SLIT3: variants seen among roughly 807,000 people sequenced by gnomAD.
SLIT3 encodes slit homolog 3 protein.
SLIT3 carries 68 observed loss-of-function variants against 184.0 expected under a neutral mutation model. The observed-to-expected ratio is 0.37, with a 90% CI of 0.30 to 0.45. The LOEUF (loss-of-function observed/expected upper bound fraction) is 0.45, where lower values mean the gene tolerates loss of function less well. Among genes scored for constraint, SLIT3 ranks in the 20% least tolerant of loss-of-function variants. The pLI, the probability that SLIT3 is intolerant of heterozygous loss-of-function variation, is 1.00. For missense variants in SLIT3, 1,707 were observed against 2,026.0 expected, an observed-to-expected ratio of 0.84 and a Z score of 3.02; for synonymous variants, 831 against 828.6, an observed-to-expected ratio of 1.00 and a Z score of -0.05.
intron 4 of SLIT3, among the ~76,000 whole-genome samples, chr5:169,025,916 G>A (rs779767135): frequency 2.6e-5 from 4 of 151,990 alleles, no homozygotes; most frequent in Admixed American, 6.6e-5. Flanking sequence ...TACCTGGCTT[G>A]GCCCTAGCAT....
intron 4 of SLIT3, among the ~76,000 whole-genome samples, chr5:168,902,773 G>A (rs117801210): frequency 6.6e-6 from 1 of 152,212 alleles, no homozygotes; most frequent in African/African-American, 2.4e-5. Flanking sequence ...GGGCAGAGGG[G>A]ACACTGCACG....
At chr5:168,937,137 C>A (rs901978074) in intron 4 of SLIT3, among the ~76,000 whole-genome samples, 4 of 151,876 alleles carry the variant, frequency 2.6e-5, no homozygotes, top group African/African-American at 9.7e-5. Flanking sequence ...TCATATGAAG[C>A]CTTGGAGTAG....
At chr5:168,756,929 T>G (rs939082218) in intron 16 of SLIT3, among the ~76,000 whole-genome samples, 3 of 152,300 alleles carry the variant, frequency 2.0e-5, no homozygotes, top group Admixed American at 2.0e-4. Flanking sequence ...GGTTTGTGAA[T>G]TGGATTTCCT....
chr5:168,875,691 A>C (rs77130541), intron 5 of SLIT3, among the ~76,000 whole-genome samples: 4,967 of 151,622 alleles, frequency 0.033, 276 homozygotes, highest in African/African-American at 0.11. Flanking sequence ...AAAGAAAAAG[A>C]AATGAAAGGA....
intron 4 of SLIT3, among the ~76,000 whole-genome samples, chr5:169,006,293 CA>C (rs1755924727): frequency 6.6e-6 from 1 of 152,094 alleles, no homozygotes; most frequent in Non-Finnish European, 1.5e-5. Flanking sequence ...ATACAAAAAG[CA>C]AAAAATTAGC....
chr5:168,708,313 A>ACAT, intron 25 of SLIT3: 1 of 612,344 alleles, frequency 1.6e-6, no homozygotes, highest in Non-Finnish European at 2.9e-6. Context: ...TCACAGTGGG[A>ACAT]CATCATTCAG....
chr5:168,762,793 G>A (rs1013825721), intron 14 of SLIT3, 104 bp from the exon 15 acceptor site: 3 of 1,101,188 alleles, frequency 2.7e-6, no homozygotes, highest in Admixed American at 3.6e-5. Context: ...AATGAGTTGG[G>A]GGCTGTTAGG....
intron 3 of SLIT3, among the ~76,000 whole-genome samples, chr5:169,236,884 G>A (rs932487501): frequency 1.3e-5 from 2 of 152,192 alleles, no homozygotes; most frequent in African/African-American, 4.8e-5. Context: ...CTAAACATGA[G>A]TTGATACTGA....
At chr5:169,218,324 C>A (rs187782991) in intron 3 of SLIT3, among the ~76,000 whole-genome samples, 1 of 152,288 alleles carries the variant, frequency 6.6e-6, no homozygotes, top group Admixed American at 6.5e-5. Flanking sequence ...CACCTTAGAC[C>A]CAGCAAAACA....
intron 4 of SLIT3, among the ~76,000 whole-genome samples, chr5:168,955,090 G>A (rs1762776958): frequency 6.6e-6 from 1 of 151,732 alleles, no homozygotes; most frequent in African/African-American, 2.4e-5. Context: ...CCTGATGTTG[G>A]GGGGTGGTGG....
At chr5:169,137,335 CAGAG>C (rs1554101372) in intron 4 of SLIT3, among the ~76,000 whole-genome samples, 3 of 138,540 alleles carry the variant, frequency 2.2e-5, no homozygotes, top group Non-Finnish European at 3.1e-5. Flanking sequence ...CACACACACA[CAGAG>C]AGAGAGAGAG....
chr5:168,783,050 C>G (rs1422955928), intron 12 of SLIT3, among the ~76,000 whole-genome samples: 1 of 152,062 alleles, frequency 6.6e-6, no homozygotes, highest in Admixed American at 6.6e-5. Context: ...TCAGAGGAAC[C>G]ATCAGCAAAC....
At chr5:169,158,243 T>TA (rs1331997624) in intron 4 of SLIT3, among the ~76,000 whole-genome samples, 1 of 152,138 alleles carries the variant, frequency 6.6e-6, no homozygotes, top group Non-Finnish European at 1.5e-5. Context: ...TTTACTGACT[T>TA]ACCTACAGGG....
intron 9 of SLIT3, among the ~76,000 whole-genome samples, chr5:168,802,273 CTG>C (rs1756793361): frequency 6.6e-6 from 1 of 152,004 alleles, no homozygotes; most frequent in Non-Finnish European, 1.5e-5. Context: ...CACCCATCTG[CTG>C]ACCTCTCACA....
chr5:169,105,691 A>C, intron 4 of SLIT3, among the ~76,000 whole-genome samples: 1 of 152,228 alleles, frequency 6.6e-6, no homozygotes, highest in East Asian at 1.9e-4. Context: ...CTCACTTGTA[A>C]GTGAGAACAT....
intron 4 of SLIT3, among the ~76,000 whole-genome samples, chr5:168,959,048 C>T (rs756198080): frequency 1.3e-5 from 2 of 152,250 alleles, no homozygotes; most frequent in Non-Finnish European, 2.9e-5. Flanking sequence ...TGCCACCCTT[C>T]CTGGCAGACG....
chr5:168,844,726 C>T lies in SLIT3; in HGVS notation c.486-71G>A, dbSNP rs945996477. 1.1e-5 allele frequency: 16 copies of T among 1,438,540 alleles called. No individual in the cohort carries two copies. The East Asian group carries it at 2.5e-4, about 23-fold the overall frequency. The allele number at this position is 1,438,540 out of a possible 1,614,324, so 89.1% of individuals were successfully genotyped here. Reference sequence around the variant, plus strand: ...TGAGGGGCCGGCGGCCCAGGCCACCCGAGCGCCTGTCCCTCCACCCCCTTG... The same window carrying T: ...TGAGGGGCCGGCGGCCCAGGCCACCTGAGCGCCTGTCCCTCCACCCCCTTG... On this transcript the variant is annotated intron_variant, in intron 5 of 35. Coordinates refer to ENST00000519560, the MANE Select transcript of SLIT3 (RefSeq NM_003062.4).
intron 1 of SLIT3, among the ~76,000 whole-genome samples, chr5:169,297,273 T>G (rs1767532325): frequency 6.6e-6 from 1 of 152,240 alleles, no homozygotes; most frequent in Non-Finnish European, 1.5e-5. Context: ...TTTCTTTTTC[T>G]GCGTGATGTT....
chr5:168,819,896 T>A (rs914108773), intron 7 of SLIT3, among the ~76,000 whole-genome samples: 2 of 152,056 alleles, frequency 1.3e-5, no homozygotes, highest in African/African-American at 2.4e-5. Flanking sequence ...CCCAGACTGA[T>A]TTGGAGCCAT....
Sources: gnomAD v4.1 joint callset for allele counts (sites outside exome capture counted in the v4.1 genomes callset) on GRCh38, gnomAD v4.1.1 for gene constraint, MANE v1.5 for transcripts, NCBI Gene and HGNC (gene_info 2026-07-23, HGNC 2026-07-21) for gene names.